ALDH1A2: variants seen among roughly 807,000 people sequenced by gnomAD.
The protein encoded by ALDH1A2 is aldehyde dehydrogenase 1 family member A2.
Under a neutral mutation model 60.3 loss-of-function variants are expected in ALDH1A2, and 27 were observed. That is an observed-to-expected ratio of 0.45 (90% confidence interval 0.33 to 0.62). The LOEUF (loss-of-function observed/expected upper bound fraction) is 0.62. Among genes scored for constraint, ALDH1A2 ranks in the 20% least tolerant of loss-of-function variants. The pLI, the probability that ALDH1A2 is intolerant of heterozygous loss-of-function variation, is 0.02. For missense variants in ALDH1A2, 581 were observed against 643.8 expected, an observed-to-expected ratio of 0.90 and a Z score of 1.06; for synonymous variants, 289 against 232.4, an observed-to-expected ratio of 1.24 and a Z score of -2.21.
At chr15:58,025,294 T>G (rs1896048880) in intron 1 of ALDH1A2, among the ~76,000 whole-genome samples, 1 of 152,044 alleles carries the variant, frequency 6.6e-6, no homozygotes, top group Non-Finnish European at 1.5e-5. Flanking sequence ...CTACCTAGAC[T>G]AACCTAAAAA....
intron 12 of ALDH1A2, among the ~76,000 whole-genome samples, chr15:57,960,227 A>C (rs1893675986): frequency 6.6e-6 from 1 of 152,212 alleles, no homozygotes; most frequent in Admixed American, 6.5e-5. Context: ...TAGACCAAGC[A>C]CAGTGCTTTG....
intron 1 of ALDH1A2, among the ~76,000 whole-genome samples, chr15:58,048,551 T>A (rs35115757): frequency 7.1e-4 from 108 of 152,164 alleles, no homozygotes; most frequent in Non-Finnish European, 1.3e-3. Context: ...GGATGGGGGA[T>A]CTGCCCCTTT....
chr15:58,065,597 G>A lies in ALDH1A2; in HGVS notation c.54C>T (p.Ala18=). Residue 18 remains alanine (A), a synonymous_variant, in exon 1 of 13, where the codon GCC becomes GCT. Coordinates refer to ENST00000249750, the MANE Select transcript of ALDH1A2 (RefSeq NM_003888.4). ...GCAGGAGGTGCAGCGACGCCATGAG[G>A]GCGGCGGGGTCGGCCTTCACCTCGC... The part of the protein sequence containing the change: ...MPGEVKADPA[A]LMASLHLLPS... 5 of 1,612,410 alleles carry A rather than the reference G, an allele frequency of 3.1e-6. No homozygotes were observed. Among genetic ancestry groups the A allele is most frequent in the Non-Finnish European group, 4.2e-6 (5 of 1,179,100 alleles).
intron 1 of ALDH1A2, among the ~76,000 whole-genome samples, chr15:58,045,287 CT>C (rs1896610838): frequency 6.6e-6 from 1 of 152,032 alleles, no homozygotes; most frequent in Non-Finnish European, 1.5e-5. Context: ...CACTTTTACA[CT>C]GTTGGTTGGA....
chr15:57,998,594 G>C (rs1895146502), intron 4 of ALDH1A2, among the ~76,000 whole-genome samples: 1 of 152,040 alleles, frequency 6.6e-6, no homozygotes, highest in South Asian at 2.1e-4. Context: ...TCATGGATAG[G>C]AAGAATCAAT....
intron 1 of ALDH1A2, among the ~76,000 whole-genome samples, chr15:58,061,594 TCAAAAAAAAAAAAAA>T (rs1247696583): frequency 3.1e-4 from 7 of 22,434 alleles, no homozygotes; most frequent in Non-Finnish European, 7.3e-4. Context: ...ACTCCTTCCC[TCAAAAAAAAAAAAAA>T]CAAAAAAAAA....
At chr15:57,963,460 C>G (rs1893794120) in intron 9 of ALDH1A2, among the ~76,000 whole-genome samples, 1 of 151,880 alleles carries the variant, frequency 6.6e-6, no homozygotes. Context: ...CTACCTCAGC[C>G]TCCCGAGTAG....
intron 7 of ALDH1A2, among the ~76,000 whole-genome samples, chr15:57,988,040 A>G (rs531948996): frequency 5.6e-4 from 86 of 152,332 alleles, no homozygotes; most frequent in African/African-American, 1.9e-3. Flanking sequence ...CTACAACACA[A>G]ACAAGGAAGG....
chr15:58,022,642 G>A (rs910643071), intron 1 of ALDH1A2, among the ~76,000 whole-genome samples: 2 of 151,966 alleles, frequency 1.3e-5, no homozygotes, highest in African/African-American at 4.8e-5. Flanking sequence ...CAACCACTAG[G>A]GCCTAAAGAC....
chr15:58,029,632 T>C (rs1896177776), intron 1 of ALDH1A2, among the ~76,000 whole-genome samples: 1 of 144,700 alleles, frequency 6.9e-6, no homozygotes, highest in South Asian at 2.2e-4. Flanking sequence ...TTTGAAAAGA[T>C]CAACAAAACA....
chr15:57,997,745 G>C (rs1389250302), intron 4 of ALDH1A2, among the ~76,000 whole-genome samples: 2 of 151,918 alleles, frequency 1.3e-5, no homozygotes, highest in African/African-American at 4.8e-5. Flanking sequence ...AATTGAGTTT[G>C]ACTCCATAAT....
intron 1 of ALDH1A2, among the ~76,000 whole-genome samples, chr15:58,047,427 G>A (rs2140564672): frequency 6.6e-6 from 1 of 152,026 alleles, no homozygotes; most frequent in Non-Finnish European, 1.5e-5. Context: ...TAAGGAAGTA[G>A]TTTGAGGACT....
intron 4 of ALDH1A2, among the ~76,000 whole-genome samples, chr15:58,005,232 A>G (rs1231896209): frequency 6.6e-6 from 1 of 151,920 alleles, no homozygotes; most frequent in African/African-American, 2.4e-5. Context: ...TCACTTAGAC[A>G]TCCCACCACC....
chr15:57,955,382 G>T, intron 12 of ALDH1A2, 113 bp from the exon 13 acceptor site: 2 of 1,092,792 alleles, frequency 1.8e-6, no homozygotes, highest in South Asian at 2.5e-5. Context: ...CAAGTCCTGG[G>T]ATGTTCATGT....
At chr15:57,972,084 T>A (rs1385346321) in intron 7 of ALDH1A2, among the ~76,000 whole-genome samples, 4 of 152,164 alleles carry the variant, frequency 2.6e-5, no homozygotes, top group Non-Finnish European at 5.9e-5. Flanking sequence ...CAAACATTAT[T>A]TTATTTAATC....
At chr15:57,992,325 C>T (rs1305920798) in intron 7 of ALDH1A2, among the ~76,000 whole-genome samples, 1 of 152,176 alleles carries the variant, frequency 6.6e-6, no homozygotes, top group African/African-American at 2.4e-5. Flanking sequence ...TTGCCAATTG[C>T]ACCTACCGGA....
intron 7 of ALDH1A2, among the ~76,000 whole-genome samples, chr15:57,990,821 A>G (rs1566940418): frequency 2.0e-5 from 3 of 151,046 alleles, no homozygotes; most frequent in Admixed American, 6.6e-5. Flanking sequence ...GGTTGCTGTG[A>G]GACAAGATTG....
intron 4 of ALDH1A2, among the ~76,000 whole-genome samples, chr15:58,007,764 C>A (rs1468304153): frequency 6.7e-6 from 1 of 149,606 alleles, no homozygotes; most frequent in Non-Finnish European, 1.5e-5. Context: ...TGGTTAAAGA[C>A]TAACGGACTT....
At chr15:58,000,781 G>A (rs1895238546) in intron 4 of ALDH1A2, among the ~76,000 whole-genome samples, 1 of 151,798 alleles carries the variant, frequency 6.6e-6, no homozygotes, top group Non-Finnish European at 1.5e-5. Context: ...GGTCTAGGAT[G>A]GGACCAGAGA....
Sources: gnomAD v4.1 joint callset for allele counts (sites outside exome capture counted in the v4.1 genomes callset) on GRCh38, gnomAD v4.1.1 for gene constraint, MANE v1.5 for transcripts, NCBI Gene and HGNC (gene_info 2026-07-23, HGNC 2026-07-21) for gene names.